PSMA1: variants seen among roughly 807,000 people sequenced by gnomAD.
PSMA1 encodes the protein proteasome subunit alpha type-1.
PSMA1 carries 3 observed loss-of-function variants against 38.4 expected under a neutral mutation model. The ratio of observed to expected loss-of-function variants is 0.08; its 90% CI spans 0.04 to 0.20. The LOEUF (loss-of-function observed/expected upper bound fraction) is 0.20. PSMA1 is among the 10% of genes least tolerant of loss of function. The pLI, the probability that PSMA1 is intolerant of heterozygous loss-of-function variation, is 1.00. For synonymous variants in PSMA1, 101 were observed against 107.1 expected (o/e 0.94, Z 0.35); for missense variants, 227 against 325.3 (o/e 0.70, Z 2.32).
intron 2 of PSMA1, among the ~76,000 whole-genome samples, chr11:14,558,712 A>T (rs999419197): frequency 6.6e-6 from 1 of 152,242 alleles, no homozygotes; most frequent in Non-Finnish European, 1.5e-5. Context: ...TTTTTGATTT[A>T]GAAGTGCACA....
chr11:14,593,664 G>A (rs916365872), intron 2 of PSMA1, among the ~76,000 whole-genome samples: 2 of 141,346 alleles, frequency 1.4e-5, no homozygotes, highest in South Asian at 2.2e-4. Flanking sequence ...GAGAGAGAGC[G>A]CCAGCCCTAA....
chr11:14,542,364 C>G (rs543716834), intron 2 of PSMA1, among the ~76,000 whole-genome samples: 8 of 152,222 alleles, frequency 5.3e-5, no homozygotes, highest in African/African-American at 1.9e-4. Context: ...TTCATCTAAA[C>G]CACTCTATTT....
chr11:14,632,766 C>T (rs1192750913), intron 1 of PSMA1, among the ~76,000 whole-genome samples: 1 of 150,768 alleles, frequency 6.6e-6, no homozygotes, highest in Non-Finnish European at 1.5e-5. Context: ...GAGTGTTTTC[C>T]AACTTGGTTC....
At chr11:14,585,345 T>C (rs1181057632) in intron 2 of PSMA1, among the ~76,000 whole-genome samples, 1 of 152,192 alleles carries the variant, frequency 6.6e-6, no homozygotes, top group Non-Finnish European at 1.5e-5. Flanking sequence ...TCTCTCTCTA[T>C]ATATATGTTG....
At chr11:14,512,423 A>G (rs1233479351) in intron 7 of PSMA1, among the ~76,000 whole-genome samples, 1 of 152,200 alleles carries the variant, frequency 6.6e-6, no homozygotes, top group African/African-American at 2.4e-5. Flanking sequence ...AAGATATTCC[A>G]TGTTCATGGA....
At chr11:14,563,523 T>G (rs1589993497) in intron 2 of PSMA1, among the ~76,000 whole-genome samples, 1 of 152,336 alleles carries the variant, frequency 6.6e-6, no homozygotes, top group East Asian at 1.9e-4. Context: ...TGGGAGCTAT[T>G]GGTTTCTATG....
chr11:14,558,326 G>A (rs956124568), intron 2 of PSMA1, among the ~76,000 whole-genome samples: 10 of 151,844 alleles, frequency 6.6e-5, no homozygotes, highest in Non-Finnish European at 1.5e-4. Flanking sequence ...GGCTGAGACA[G>A]GATCACTTGA....
At chr11:14,623,994 G>T (rs1590014457) in intron 1 of PSMA1, among the ~76,000 whole-genome samples, 1 of 152,264 alleles carries the variant, frequency 6.6e-6, no homozygotes, top group East Asian at 1.9e-4. Context: ...TAATCCAGGG[G>T]CTTAAAGAAT....
intron 2 of PSMA1, among the ~76,000 whole-genome samples, chr11:14,583,426 G>A (rs1852305713): frequency 6.6e-6 from 1 of 151,962 alleles, no homozygotes; most frequent in Non-Finnish European, 1.5e-5. Context: ...GGCAACAGAG[G>A]CATTCCAGAT....
intron 2 of PSMA1, among the ~76,000 whole-genome samples, chr11:14,557,129 C>A (rs1851949299): frequency 6.6e-6 from 1 of 152,208 alleles, no homozygotes; most frequent in Non-Finnish European, 1.5e-5. Flanking sequence ...GCGACTGCAC[C>A]CTGCTCATTC....
chr11:14,579,486 C>CTT (rs756980966), intron 2 of PSMA1, among the ~76,000 whole-genome samples: 19 of 112,502 alleles, frequency 1.7e-4, no homozygotes, highest in East Asian at 1.5e-3. Flanking sequence ...GCTGCAAAGA[C>CTT]TTTTTTTTTT....
chr11:14,535,148 C>A (rs747101463), intron 2 of PSMA1, among the ~76,000 whole-genome samples: 1 of 120,582 alleles, frequency 8.3e-6, no homozygotes, highest in South Asian at 2.8e-4. Flanking sequence ...ACTGGTTATT[C>A]AGAAGCTAAG....
chr11:14,616,754 AG>A (rs770724839), intron 1 of PSMA1, among the ~76,000 whole-genome samples: 2 of 152,178 alleles, frequency 1.3e-5, no homozygotes, highest in African/African-American at 2.4e-5. Context: ...CCTATTTTGT[AG>A]GTGGAGAAAT....
chr11:14,627,328 G>T (rs1047653515), intron 1 of PSMA1, among the ~76,000 whole-genome samples: 10 of 152,150 alleles, frequency 6.6e-5, no homozygotes, highest in African/African-American at 2.2e-4. Flanking sequence ...TAGACCTCCT[G>T]CCTCAGGGTT....
intron 2 of PSMA1, among the ~76,000 whole-genome samples, chr11:14,599,299 G>T (rs903744922): frequency 6.6e-6 from 1 of 152,110 alleles, no homozygotes; most frequent in South Asian, 2.1e-4. Context: ...TGCTAGGTTG[G>T]GGAAGTTCTC....
At chr11:14,539,457 G>C (rs1851747013) in intron 2 of PSMA1, among the ~76,000 whole-genome samples, 1 of 152,016 alleles carries the variant, frequency 6.6e-6, no homozygotes, top group Admixed American at 6.6e-5. Context: ...CTACCAAAGT[G>C]CCAGCTTTTA....
intron 2 of PSMA1, among the ~76,000 whole-genome samples, chr11:14,558,655 T>C (rs1328612405): frequency 3.9e-5 from 6 of 152,224 alleles, no homozygotes; most frequent in African/African-American, 1.4e-4. Flanking sequence ...GCTTTAGGAC[T>C]AAGGTCAACA....
At chr11:14,520,517 C>T, upstream of PSMA1, 3 of 1,416,154 alleles carry the variant, frequency 2.1e-6, no homozygotes, top group Non-Finnish European at 2.8e-6. Flanking sequence ...CTCGGAAGAT[C>T]TAGGAACTGA....
intron 2 of PSMA1, among the ~76,000 whole-genome samples, chr11:14,533,781 C>T (rs1326381380): frequency 6.6e-6 from 1 of 151,996 alleles, no homozygotes; most frequent in African/African-American, 2.4e-5. Flanking sequence ...AAGACAGAGC[C>T]TATGGTATTT....
Sources: allele counts gnomAD v4.1 joint callset (sites outside exome capture counted in the v4.1 genomes callset), GRCh38; gene constraint gnomAD v4.1.1; transcripts MANE v1.5; gene names NCBI Gene and HGNC (gene_info 2026-07-23, HGNC 2026-07-21).